Variants in SYNE2 observed in about 807,000 individuals in gnomAD.
SYNE2 encodes the protein nesprin-2.
SYNE2 carries 431 observed loss-of-function variants against 856.3 expected under a neutral mutation model. The observed-to-expected ratio is 0.50, with a 90% confidence interval of 0.47 to 0.55. The LOEUF (loss-of-function observed/expected upper bound fraction) is 0.55. Ranked by LOEUF, SYNE2 falls within the 20% of genes least tolerant of loss-of-function variation. SYNE2 has a pLI of 0.00. For synonymous variants in SYNE2, 2,923 were observed against 2,872.3 expected (o/e 1.02, Z -0.56); for missense variants, 8,129 against 8,023.2 (o/e 1.01, Z -0.50).
chr14:64,109,001 G>A (rs766111928), intron 65 of SYNE2, among the ~76,000 whole-genome samples: 35 of 151,828 alleles, frequency 2.3e-4, no homozygotes, highest in African/African-American at 8.5e-4. Context: ...TTAGCCTCCC[G>A]GATGGCTAGG....
intron 1 of SYNE2, among the ~76,000 whole-genome samples, chr14:63,885,439 A>G (rs2094960849): frequency 6.6e-6 from 1 of 152,040 alleles, no homozygotes; most frequent in African/African-American, 2.4e-5. Context: ...CACGTTGTCC[A>G]TTTCCCTTCT....
intron 65 of SYNE2, among the ~76,000 whole-genome samples, chr14:64,111,278 T>A (rs2097804263): frequency 6.9e-6 from 1 of 145,346 alleles, no homozygotes; most frequent in African/African-American, 2.8e-5. Flanking sequence ...AGGTGGTAAA[T>A]CTGTGATTAC....
At chr14:64,140,837 C>T (rs941355115) in intron 80 of SYNE2, among the ~76,000 whole-genome samples, 10 of 151,426 alleles carry the variant, frequency 6.6e-5, no homozygotes, top group Admixed American at 5.3e-4. Context: ...AATATAATTA[C>T]AAAATGATTA....
intron 6 of SYNE2, among the ~76,000 whole-genome samples, chr14:63,942,347 C>T (rs986942026): frequency 2.0e-5 from 3 of 152,132 alleles, no homozygotes; most frequent in African/African-American, 7.2e-5. Context: ...GAGATGGAGT[C>T]TCGCTCTGTC....
At chr14:64,092,738 C>A (rs2097636229) in intron 60 of SYNE2, among the ~76,000 whole-genome samples, 1 of 152,186 alleles carries the variant, frequency 6.6e-6, no homozygotes, top group Non-Finnish European at 1.5e-5. Flanking sequence ...AGCTTTCCTG[C>A]TCCCCTAGCA....
chr14:64,178,737 C>G (rs1472695216), intron 96 of SYNE2, among the ~76,000 whole-genome samples: 2 of 152,118 alleles, frequency 1.3e-5, no homozygotes, highest in Non-Finnish European at 2.9e-5. Context: ...AGCAGGCGCC[C>G]AGCCTGCTGT....
At position 64,119,471 on chromosome 14, in the gene SYNE2, G is replaced by C. The variant is rs768003331; in HGVS notation, c.12885G>C (p.Glu4295Asp). ...AGCACAAGGTTGCCTTTCTGTTAGA[G>C]ACTTGCAAAGATCAGGGCCTGGGAG... is the stretch of plus-strand genomic sequence containing the variant. ...EIEHKVAFLL[E>D]TCKDQGLGDN... The change falls in exon 67 of 116, where the codon GAG becomes GAC. Residue 4295 changes from glutamate (E) to aspartate (D), a missense_variant. By Grantham distance (45) the Glu-to-Asp change is conservative. Transcript: ENST00000555002. 5 of 1,614,210 alleles carry C rather than the reference G, an allele frequency of 3.1e-6. No individual in the cohort carries two copies. The highest frequency in any genetic ancestry group is 3.4e-6 in the Non-Finnish European group (4 of 1,180,034).
intron 1 of SYNE2, among the ~76,000 whole-genome samples, chr14:63,842,619 C>T (rs570180260): frequency 6.6e-6 from 1 of 151,850 alleles, no homozygotes; most frequent in Admixed American, 6.6e-5. Context: ...TGACCACACC[C>T]AGCGAATTTT....
Position 64,158,820 on chromosome 14 carries a change from G to T in SYNE2, c.15963+25G>T, listed in dbSNP as rs951062741. 2.5e-6 allele frequency: 4 copies of T among 1,612,646 alleles called. No homozygotes were observed. The African/African-American group carries it at 4.0e-5, about 16-fold the overall frequency. On this transcript the variant is annotated intron_variant, in intron 86 of 115. Coordinates refer to ENST00000555002, the MANE Select transcript of SYNE2 (RefSeq NM_182914.3). ...GGTAAATTAACCAGAGCTTGGCATG[G>T]TGCATTATTGGCAGGAAATTACAAA...
intron 6 of SYNE2, among the ~76,000 whole-genome samples, chr14:63,943,963 C>T (rs931448091): frequency 3.9e-5 from 6 of 152,028 alleles, no homozygotes; most frequent in Non-Finnish European, 8.8e-5. Context: ...GCCAGCACGC[C>T]TGGCCTGTGT....
At chr14:63,788,648 AGG>A (rs1420244540) in intron 1 of SYNE2, among the ~76,000 whole-genome samples, 1 of 152,128 alleles carries the variant, frequency 6.6e-6, no homozygotes, top group Non-Finnish European at 1.5e-5. Flanking sequence ...ACTCAGAAGG[AGG>A]GGGGTTCCTG....
chr14:64,150,012 T>C (rs865811905), intron 84 of SYNE2, among the ~76,000 whole-genome samples: 347 of 134,792 alleles, frequency 2.6e-3, no homozygotes, highest in Middle Eastern at 0.026. Flanking sequence ...CTTTTCTTTT[T>C]TTTTTTTTTT....
chr14:63,959,386 T>C (rs1255881), intron 8 of SYNE2, among the ~76,000 whole-genome samples: 102,401 of 149,400 alleles, frequency 0.69, 35,306 homozygotes, highest in Admixed American at 0.77. Flanking sequence ...CAACCTTCGC[T>C]TCCTGGGTTC....
chr14:63,936,315 T>G (rs1294022514), intron 2 of SYNE2, among the ~76,000 whole-genome samples: 4 of 152,168 alleles, frequency 2.6e-5, no homozygotes, highest in Non-Finnish European at 5.9e-5. Context: ...GAGTGAGACA[T>G]TAACAATAAA....
At chr14:64,113,302 A>C (rs756166867) in intron 65 of SYNE2, 39 bp from the exon 66 acceptor site, 10 of 1,612,502 alleles carry the variant, frequency 6.2e-6, no homozygotes, top group Non-Finnish European at 7.6e-6. Flanking sequence ...CAAGTCTGAA[A>C]ACTTTGGACT....
intron 28 of SYNE2, among the ~76,000 whole-genome samples, chr14:64,001,192 A>T (rs1242897491): frequency 6.6e-6 from 1 of 152,230 alleles, no homozygotes; most frequent in Non-Finnish European, 1.5e-5. Flanking sequence ...TCAATTTATT[A>T]TCAGTAGTGC....
chr14:64,043,276 A>C (rs915939198), intron 45 of SYNE2, among the ~76,000 whole-genome samples: 2 of 152,232 alleles, frequency 1.3e-5, no homozygotes, highest in African/African-American at 4.8e-5. Context: ...AAAGGCATTC[A>C]GTTTTATAAA....
At position 63,976,708 on chromosome 14, in the gene SYNE2, A is replaced by C; in HGVS notation, c.1274A>C (p.Glu425Ala). 6.2e-7 allele frequency: 1 copy of C among 1,613,922 alleles called. No individual in the cohort carries two copies. Residue 425 changes from glutamate (E) to alanine (A), a missense_variant, in exon 12 of 116, where the codon GAG becomes GCG. Transcript: ENST00000555002. ...TCTCAAGCCGTGACTCTGATACAAG[A>C]GAAAATGACTTTATTCAAGGTTGGA... ...DHSQAVTLIQ[E>A]KMTLFKSLMD... is the part of the protein sequence containing the mutation.
chr14:64,140,194 G>A (rs546639103), intron 80 of SYNE2, 121 bp downstream of exon 80: 9 of 923,060 alleles, frequency 9.8e-6, no homozygotes, highest in South Asian at 2.7e-5. Flanking sequence ...AGACTTGGGC[G>A]AATGGCAGCT....
Sources: allele counts gnomAD v4.1 joint callset (sites outside exome capture counted in the v4.1 genomes callset), GRCh38; gene constraint gnomAD v4.1.1; transcripts MANE v1.5; gene names NCBI Gene and HGNC (gene_info 2026-07-23, HGNC 2026-07-21).